Variants in FMNL3 observed in about 807,000 individuals in gnomAD.
The protein encoded by FMNL3 is formin like 3.
FMNL3 carries 57 observed loss-of-function variants against 119.6 expected under a neutral mutation model. That is an observed-to-expected ratio of 0.48 (90% CI 0.39 to 0.59). The LOEUF (loss-of-function observed/expected upper bound fraction) is 0.59. Among genes scored for constraint, FMNL3 ranks in the 20% least tolerant of loss-of-function variants. The probability of loss-of-function intolerance (pLI) is 0.00; values close to 1 mark genes in which losing one functional copy is unlikely to be tolerated. For synonymous variants in FMNL3, 491 were observed against 507.3 expected (o/e 0.97, Z 0.43); for missense variants, 1,053 against 1,323.5 (o/e 0.80, Z 3.17).
At chr12:49,654,832 G>GT (rs1342228583) in intron 10 of FMNL3, 78 bp downstream of exon 10, 5 of 1,346,624 alleles carry the variant, frequency 3.7e-6, no homozygotes, top group Non-Finnish European at 5.2e-6. Context: ...AAGATACGCT[G>GT]TTGGCCTCAC....
rs780065545 is a variant in FMNL3 at position 49,644,054 on chromosome 12, G to A, written c.*1761C>T. The A allele has an allele frequency of 1.1e-5, 17 of 1,614,002 alleles. No homozygotes were observed. The East Asian group carries it at 2.0e-4, about 19-fold the overall frequency. On this transcript the variant is annotated 3_prime_UTR_variant, in exon 26 of 26. Transcript: ENST00000335154. ...GTCAGCACGCTGGTCAAGCTTCCAC[G>A]GCCCTTAGTGCAGGCTAAGGGTGAA... is the stretch of plus-strand genomic sequence containing the variant.
rs201704414 is a variant in FMNL3, at chr12:49,648,174, G to A, written c.2676+19C>T. On this transcript the variant is annotated intron_variant, in intron 22 of 25. Transcript: ENST00000335154. ...TGCCTTGGCCCTGGTTGCTCCCACC[G>A]CCTGCACCCCGTGCTTGCCTCAGCC... 1.8e-4 allele frequency: 290 copies of A among 1,605,376 alleles called. 1 individual carries two copies. The Admixed American group carries it at 2.2e-3, about 12-fold the overall frequency.
chr12:49,694,911 T>C (rs1347344864), intron 1 of FMNL3, among the ~76,000 whole-genome samples: 1 of 150,514 alleles, frequency 6.6e-6, no homozygotes, highest in African/African-American at 2.4e-5. Context: ...AAACTCCGTC[T>C]CAAAAAAAAA....
In FMNL3 at chr12:49,642,409, C is replaced by T. The variant is rs201210881; in HGVS notation, c.*3406G>A. ...AGCCTGGCCCCAAGCACCCCTCAAGCCTGAGGGCAGCGGTGCTTCACCACT... is the reference window on the plus strand; with the variant it reads ...AGCCTGGCCCCAAGCACCCCTCAAGTCTGAGGGCAGCGGTGCTTCACCACT... On this transcript the variant is annotated 3_prime_UTR_variant, in exon 26 of 26. Coordinates refer to ENST00000335154, the MANE Select transcript of FMNL3 (RefSeq NM_175736.5). This position sits in a 1 kb window ranked among gnomAD's most constrained non-coding sequence, Gnocchi z 5.8. The T allele has an allele frequency of 5.0e-6, 8 of 1,608,538 alleles. No individual in the cohort carries two copies. The African/African-American group carries it at 1.1e-4, about 21-fold the overall frequency.
rs1264383649 is a variant in FMNL3, at chr12:49,638,592, A to G, written c.*7223T>C. 2.0e-5 allele frequency: 3 copies of G among 152,204 alleles called. No homozygotes were observed. The highest frequency in any genetic ancestry group is 7.2e-5 in the African/African-American group (3 of 41,428). The allele number at this position is 152,204 out of a possible 1,614,324, so 9.4% of individuals were successfully genotyped here. ...GAAAAGTGAGTGAGTGATGGACTAA[A>G]CCTTGTGTTCCAAAAGAAAAAAACA... On this transcript the variant is annotated 3_prime_UTR_variant, in exon 26 of 26. Transcript: ENST00000335154.
At position 49,666,151 on chromosome 12, in the gene FMNL3, G is replaced by A; in HGVS notation, c.267C>T (p.Phe89=). 3.7e-6 allele frequency: 6 copies of A among 1,614,142 alleles called. No homozygotes were observed. Among genetic ancestry groups the A allele is most frequent in the Non-Finnish European group, 5.1e-6 (6 of 1,180,000 alleles). The change falls in exon 3 of 26, where the codon TTC becomes TTT. Residue 89 remains phenylalanine (F), a synonymous_variant. Coordinates refer to ENST00000335154, the MANE Select transcript of FMNL3 (RefSeq NM_175736.5). Reference sequence around the variant, plus strand: ...CCTTCCGAGTTACACTGGGGTCCAAGAAGCTCTGGAGTTTCTGAATGTAAG... The same window carrying A: ...CCTTCCGAGTTACACTGGGGTCCAAAAAGCTCTGGAGTTTCTGAATGTAAG... The part of the protein sequence containing the change: ...PHTYIQKLQS[F]LDPSVTRKKF...
intron 1 of FMNL3, among the ~76,000 whole-genome samples, chr12:49,700,013 T>C (rs1747895064): frequency 6.6e-6 from 1 of 152,238 alleles, no homozygotes; most frequent in Non-Finnish European, 1.5e-5. Flanking sequence ...ATTCCACTTC[T>C]AGCAATTTAT....
intron 1 of FMNL3, among the ~76,000 whole-genome samples, chr12:49,703,556 T>C (rs775105369): frequency 1.1e-4 from 17 of 151,978 alleles, no homozygotes; most frequent in Non-Finnish European, 1.9e-4. Context: ...CTACAGTACA[T>C]GGGGTAGAAG....
chr12:49,656,804 G>A lies in FMNL3; in HGVS notation c.791+19C>T. The A allele has an allele frequency of 6.2e-7, 1 of 1,604,456 alleles. No homozygotes were observed. The highest frequency in any genetic ancestry group is 8.5e-7 in the Non-Finnish European group (1 of 1,171,376). On this transcript the variant is annotated intron_variant, in intron 8 of 25. Coordinates refer to ENST00000335154, the MANE Select transcript of FMNL3 (RefSeq NM_175736.5). ...AGCCCTGGACAGAGTGGGGAGGAAA[G>A]GGGAGGGAAGGAACTCACCTTGGAT...
intron 4 of FMNL3, among the ~76,000 whole-genome samples, chr12:49,663,110 G>A (rs1943786251): frequency 6.6e-6 from 1 of 152,338 alleles, no homozygotes; most frequent in African/African-American, 2.4e-5. Flanking sequence ...GGCTGAAGCT[G>A]ACTGACACCG....
At chr12:49,689,288 T>A (rs1348380327) in intron 1 of FMNL3, among the ~76,000 whole-genome samples, 1 of 152,226 alleles carries the variant, frequency 6.6e-6, no homozygotes. Context: ...TTATTCTGAT[T>A]CTCTAACCTA....
In FMNL3 at chr12:49,652,030, G is replaced by A. The variant is rs1318270100; in HGVS notation, c.1506C>T (p.Asp502=). ...AELSEGMPPS[D]LDLLAPAPPP... ...GTGGGGCTGGAGCCAGAAGGTCCAGGTCGGAGGGTGGCATGCCCTCACTCA... is the reference window on the plus strand; with the variant it reads ...GTGGGGCTGGAGCCAGAAGGTCCAGATCGGAGGGTGGCATGCCCTCACTCA... Residue 502 remains aspartate, a synonymous_variant, in exon 14 of 26, where the codon GAC becomes GAT. Transcript: ENST00000335154. 1 of 1,609,184 alleles carries A rather than the reference G, an allele frequency of 6.2e-7. No homozygotes were observed. The highest frequency in any genetic ancestry group is 8.5e-7 in the Non-Finnish European group (1 of 1,177,790).
At chr12:49,682,201 G>C (rs1303135237) in intron 1 of FMNL3, among the ~76,000 whole-genome samples, 1 of 151,634 alleles carries the variant, frequency 6.6e-6, no homozygotes, top group African/African-American at 2.4e-5. Context: ...CTCCCAAGTA[G>C]CTGGAACTAC....
chr12:49,662,080 T>C, intron 4 of FMNL3, 31 bp from the exon 5 acceptor site: 2 of 1,610,940 alleles, frequency 1.2e-6, no homozygotes, highest in Non-Finnish European at 1.7e-6. Flanking sequence ...GTGGAAGGGG[T>C]CTGCTAAAAG....
intron 1 of FMNL3, among the ~76,000 whole-genome samples, chr12:49,693,544 A>AT (rs1187045974): frequency 1.3e-5 from 2 of 148,264 alleles, no homozygotes; most frequent in East Asian, 2.0e-4. Context: ...CACCCAGCTA[A>AT]TTTTTTAGCA....
intron 1 of FMNL3, among the ~76,000 whole-genome samples, chr12:49,700,783 G>T (rs1239962416): frequency 6.9e-6 from 1 of 144,636 alleles, no homozygotes; most frequent in African/African-American, 2.6e-5. Flanking sequence ...ATGCAGTAAT[G>T]AAATCATGAT....
chr12:49,650,585 T>A lies in FMNL3; in HGVS notation c.2000+91A>T. On this transcript the variant is annotated intron_variant, in intron 17 of 25. Transcript: ENST00000335154. ...GGGGATGTGAGGGAGTTCTGTCAGATGACCTGGAATCTAGGGAAACCCAGG... is the reference window on the plus strand; with the variant it reads ...GGGGATGTGAGGGAGTTCTGTCAGAAGACCTGGAATCTAGGGAAACCCAGG... 3.5e-6 allele frequency: 5 copies of A among 1,421,284 alleles called. No homozygotes were observed. In the South Asian group the frequency reaches 4.8e-5, roughly 14 times the overall value. The allele number at this position is 1,421,284 out of a possible 1,614,324, so 88.0% of individuals were successfully genotyped here. A position where few individuals can be genotyped will look rare whatever the true frequency, so the allele number is the denominator to read the frequency against.
chr12:49,637,428 TC>T lies in FMNL3; in HGVS notation c.*8386del. On this transcript the variant is annotated 3_prime_UTR_variant, in exon 26 of 26. Coordinates refer to ENST00000335154, the MANE Select transcript of FMNL3 (RefSeq NM_175736.5). ...TTCCCCCTCAGTCTGTGGCTCTGCC[TC>T]CCTGTCTCACTCTCCCTATAACTGG... 7.1e-7 allele frequency: 1 copy of T among 1,417,316 alleles called. No homozygotes were observed. The allele number at this position is 1,417,316 out of a possible 1,614,324, so 87.8% of individuals were successfully genotyped here.
Position 49,647,389 on chromosome 12 carries a change from G to T in FMNL3, c.2779-21C>A, listed in dbSNP as rs182723490. On this transcript the variant is annotated intron_variant, in intron 23 of 25. Transcript: ENST00000335154. The surrounding 1 kb of genome is among the most constrained non-coding windows in gnomAD (Gnocchi z 4.9). Reference sequence around the variant, plus strand: ...GCTTCCTAAGAGCCATGGAAGATGGGGGGTGGGGAGTGAGGCTCATAGGCT... The same window carrying T: ...GCTTCCTAAGAGCCATGGAAGATGGTGGGTGGGGAGTGAGGCTCATAGGCT... The T allele has an allele frequency of 1.1e-4, 181 of 1,608,166 alleles. 3 individuals are homozygous for T. The East Asian group carries it at 2.1e-3, about 19-fold the overall frequency.
Sources: allele counts gnomAD v4.1 joint callset (sites outside exome capture counted in the v4.1 genomes callset), GRCh38; gene constraint gnomAD v4.1.1; non-coding constraint Gnocchi (gnomAD v3.1); transcripts MANE v1.5; gene names NCBI Gene and HGNC (gene_info 2026-07-23, HGNC 2026-07-21).